BCL11A: variants seen among roughly 807,000 people sequenced by gnomAD.
BCL11A encodes B cell CLL/lymphoma 11A.
Under a neutral mutation model 55.9 loss-of-function variants are expected in BCL11A, and 2 were observed. The observed-to-expected ratio is 0.04, with a 90% CI of 0.01 to 0.11. The LOEUF (loss-of-function observed/expected upper bound fraction) is 0.11. BCL11A is among the 10% of genes least tolerant of loss of function. The pLI is 1.00. For missense variants in BCL11A, 817 were observed against 1,137.1 expected (o/e 0.72, Z 4.05); for synonymous variants, 465 against 473.4 (o/e 0.98, Z 0.23).
chr2:60,534,517 A>G (rs1432435670), intron 2 of BCL11A: 1 of 152,262 alleles, frequency 6.6e-6, no homozygotes, highest in Non-Finnish European at 1.5e-5. Flanking sequence ...CGTGGGGAAC[A>G]GAAACAGGCA....
At chr2:60,528,686 C>G (rs770602228) in intron 2 of BCL11A, among the ~76,000 whole-genome samples, 1 of 152,122 alleles carries the variant, frequency 6.6e-6, no homozygotes, top group Non-Finnish European at 1.5e-5. Context: ...CAACTGTGGA[C>G]CCTCAGGGAA....
intron 2 of BCL11A, among the ~76,000 whole-genome samples, chr2:60,490,167 G>A (rs1346481856): frequency 6.6e-6 from 1 of 152,132 alleles, no homozygotes; most frequent in African/African-American, 2.4e-5. Flanking sequence ...AAACCCTACG[G>A]TCAACCAACT....
At chr2:60,493,966 G>C (rs1678799678) in intron 2 of BCL11A, among the ~76,000 whole-genome samples, 1 of 152,198 alleles carries the variant, frequency 6.6e-6, no homozygotes, top group Non-Finnish European at 1.5e-5. Context: ...AGTGGCCTCA[G>C]GCAGTGGCGG....
At chr2:60,550,565 CG>C (rs1357409694) in intron 1 of BCL11A, among the ~76,000 whole-genome samples, 2 of 100,856 alleles carry the variant, frequency 2.0e-5, no homozygotes, top group Non-Finnish European at 4.2e-5. Flanking sequence ...AGGCGGGGGG[CG>C]GGGGGGTGGT....
intron 3 of BCL11A, among the ~76,000 whole-genome samples, chr2:60,467,101 GGTGGTGGTAGTGGTGGTGGTGGTGGTGA>G (rs1676667914): frequency 6.7e-6 from 1 of 149,646 alleles, no homozygotes; most frequent in Admixed American, 6.6e-5. Flanking sequence ...TGGTGATGAT[GGTGGTGGTAGTGGTGGTGGTGGTGGTGA>G]TGGTGGTGTT....
intron 2 of BCL11A, chr2:60,542,445 C>A (rs906534982): frequency 6.6e-6 from 1 of 152,120 alleles, no homozygotes; most frequent in African/African-American, 2.4e-5. Context: ...CAAAACAAAA[C>A]CCCTATTGAA....
intron 3 of BCL11A, among the ~76,000 whole-genome samples, chr2:60,462,777 ATC>A (rs1676389169): frequency 1.3e-5 from 2 of 152,226 alleles, no homozygotes; most frequent in South Asian, 4.1e-4. Context: ...GGGGCAAGCC[ATC>A]TCATCTCCAT....
chr2:60,493,800 T>C (rs1272686744), intron 2 of BCL11A, among the ~76,000 whole-genome samples: 1 of 152,150 alleles, frequency 6.6e-6, no homozygotes, highest in Non-Finnish European at 1.5e-5. Context: ...CCCAGTGCTG[T>C]GGACAGCAAA....
intron 2 of BCL11A, among the ~76,000 whole-genome samples, chr2:60,471,021 C>T (rs1318364183): frequency 6.6e-6 from 1 of 152,192 alleles, no homozygotes; most frequent in Non-Finnish European, 1.5e-5. Flanking sequence ...CCTGCTGCTC[C>T]TGCCGTGGTC....
chr2:60,461,278 T>C lies in BCL11A; in HGVS notation c.1634A>G (p.Asp545Gly). 6.3e-7 allele frequency: 1 copy of C among 1,587,910 alleles called. No homozygotes were observed. Among genetic ancestry groups the C allele is most frequent in the Non-Finnish European group, 8.5e-7 (1 of 1,169,872 alleles). ...GVGDESRALP[D>G]VMQGMVLSSM... is the part of the protein sequence containing the mutation. Reference sequence around the variant, plus strand: ...GCTGAGCACCATGCCCTGCATGACGTCGGGCAGGGCGCGGCTCTCGTCGCC... The same window carrying C: ...GCTGAGCACCATGCCCTGCATGACGCCGGGCAGGGCGCGGCTCTCGTCGCC... Residue 545 changes from aspartate to glycine, a missense_variant, in exon 4 of 4, where the codon GAC (aspartate) becomes GGC (glycine). By Grantham distance (94) the Asp-to-Gly change is moderately conservative. Around this residue, in one of 4 missense-constraint regions of BCL11A, gnomAD observed 379 missense variants for 425.3 expected, o/e 0.89. Coordinates refer to ENST00000642384, the MANE Select transcript of BCL11A (RefSeq NM_022893.4).
intron 2 of BCL11A, among the ~76,000 whole-genome samples, chr2:60,520,830 C>T (rs142539563): frequency 1.4e-3 from 213 of 152,128 alleles, no homozygotes; most frequent in African/African-American, 4.0e-3. Context: ...AAAAACCACC[C>T]ATGCCCTTCT....
intron 2 of BCL11A, among the ~76,000 whole-genome samples, chr2:60,509,035 T>C (rs980685224): frequency 1.6e-4 from 24 of 152,224 alleles, no homozygotes; most frequent in Admixed American, 3.9e-4. Flanking sequence ...CTAGAGGACC[T>C]CCTCCAAAGA....
chr2:60,546,533 T>G lies in BCL11A; in HGVS notation c.56-233A>C. Reference sequence around the variant, plus strand: ...ATCACATATGTAAAGAAAACAGTCTTCCTTGCATAACTCCAGAGAACACAC... The same window carrying G: ...ATCACATATGTAAAGAAAACAGTCTGCCTTGCATAACTCCAGAGAACACAC... On this transcript the variant is annotated intron_variant, in intron 1 of 3. Coordinates refer to ENST00000642384, the MANE Select transcript of BCL11A (RefSeq NM_022893.4). This position sits in a 1 kb window ranked among gnomAD's most constrained non-coding sequence, Gnocchi z 4.1. 1 of 528,140 alleles carries G rather than the reference T, an allele frequency of 1.9e-6. No individual in the cohort carries two copies. Among genetic ancestry groups the G allele is most frequent in the Non-Finnish European group, 3.4e-6 (1 of 296,160 alleles). The allele number at this position is 528,140 out of a possible 1,614,324, so 32.7% of individuals were successfully genotyped here.
intron 2 of BCL11A, among the ~76,000 whole-genome samples, chr2:60,507,261 G>A (rs1228283573): frequency 3.7e-3 from 3 of 818 alleles, no homozygotes; most frequent in African/African-American, 0.014. Flanking sequence ...GGGGAGGGGA[G>A]GGGAGGGGAG....
chr2:60,492,797 T>C (rs912307979), intron 2 of BCL11A, among the ~76,000 whole-genome samples: 9 of 152,156 alleles, frequency 5.9e-5, no homozygotes, highest in Non-Finnish European at 1.3e-4. Flanking sequence ...CAGTGGTGGG[T>C]GTTTTGTTTT....
chr2:60,470,300 C>T (rs1677126324), intron 2 of BCL11A, among the ~76,000 whole-genome samples: 1 of 152,156 alleles, frequency 6.6e-6, no homozygotes, highest in Non-Finnish European at 1.5e-5. Context: ...CCGGACTTAA[C>T]AAACAAGTAT....
intron 1 of BCL11A, among the ~76,000 whole-genome samples, chr2:60,552,896 G>A (rs551941847): frequency 1.8e-4 from 27 of 152,172 alleles, no homozygotes; most frequent in Admixed American, 7.2e-4. Context: ...GCGGGGCGGG[G>A]GGGGAGTGGA....
chr2:60,498,548 G>T (rs1455615586), intron 2 of BCL11A, among the ~76,000 whole-genome samples: 1 of 152,200 alleles, frequency 6.6e-6, no homozygotes, highest in Non-Finnish European at 1.5e-5. Flanking sequence ...CCTAGAATTG[G>T]CCTGGGACAT....
intron 2 of BCL11A, chr2:60,545,744 T>C (rs72964450): frequency 4.7e-5 from 25 of 535,704 alleles, no homozygotes; most frequent in Non-Finnish European, 8.3e-5. Flanking sequence ...GTGTCTGATG[T>C]GTGTACCTAT....
Sources: allele counts gnomAD v4.1 joint callset (sites outside exome capture counted in the v4.1 genomes callset), GRCh38; gene constraint gnomAD v4.1.1; regional missense constraint gnomAD v4.1.1; non-coding constraint Gnocchi (gnomAD v3.1); transcripts MANE v1.5; gene names NCBI Gene and HGNC (gene_info 2026-07-23, HGNC 2026-07-21).